TRMT11: variants seen among roughly 807,000 people sequenced by gnomAD.
The protein encoded by TRMT11 is tRNA (guanine(10)-N(2))-methyltransferase TRMT11.
A neutral mutation model predicts 62.8 loss-of-function variants in TRMT11; 53 were observed. That is an observed-to-expected ratio of 0.84 (90% CI 0.68 to 1.06). The LOEUF is 1.06. TRMT11 is among the 50% of genes least tolerant of loss of function. TRMT11 has a pLI of 0.00. For synonymous variants in TRMT11, 188 were observed against 190.3 expected, an observed-to-expected ratio of 0.99 and a Z score of 0.10; for missense variants, 556 against 553.4, an observed-to-expected ratio of 1.00 and a Z score of -0.05.
chr6:126,146,916 T>C lies in TRMT11; in HGVS notation c.*1824-27909T>C, dbSNP rs953301632. On this transcript the variant is annotated intron_variant and NMD_transcript_variant, in intron 21 of 22. Coordinates refer to the TRMT11 transcript ENST00000648977. ...TTCTACTAAAAGTGATTATTAGACATAATGTCAAGATGCTCATATTCTGCT... is the reference window on the plus strand; with the variant it reads ...TTCTACTAAAAGTGATTATTAGACACAATGTCAAGATGCTCATATTCTGCT... Among the ~76,000 whole-genome samples, 47 of 38,992 alleles carry C rather than the reference T, an allele frequency of 1.2e-3. 16 individuals carry two copies. Among genetic ancestry groups the C allele is most frequent in the African/African-American group, 5.5e-3 (45 of 8,250 alleles). The allele number at this position is 38,992 out of a possible 152,430, so 25.6% of individuals were successfully genotyped here. A position where few individuals can be genotyped will look rare whatever the true frequency, so the allele number is the denominator to read the frequency against.
intron 17 of TRMT11, among the ~76,000 whole-genome samples, chr6:126,112,746 C>A (rs1472782019): frequency 1.3e-5 from 2 of 152,188 alleles, no homozygotes; most frequent in South Asian, 4.1e-4. Context: ...ACCACAAATC[C>A]CCTACAGATC....
chr6:126,247,294 G>C, the TRMT11 span, among the ~76,000 whole-genome samples: 3 of 151,770 alleles, frequency 2.0e-5, no homozygotes, highest in African/African-American at 7.3e-5. Flanking sequence ...CTTTAAATTG[G>C]CAAATATCAT....
intron 21 of TRMT11, among the ~76,000 whole-genome samples, chr6:126,120,464 A>G (rs1317814499): frequency 6.6e-6 from 1 of 152,106 alleles, no homozygotes; most frequent in Non-Finnish European, 1.5e-5. Flanking sequence ...AATTCATCCA[A>G]AAGCAAATGT....
intron 21 of TRMT11, among the ~76,000 whole-genome samples, chr6:126,135,943 AT>A (rs1482851703): frequency 6.6e-6 from 1 of 151,900 alleles, no homozygotes; most frequent in African/African-American, 2.4e-5. Flanking sequence ...ACATCCCTTT[AT>A]GATAAAAACC....
At chr6:126,176,936 G>T (rs938295541), upstream of TRMT11, among the ~76,000 whole-genome samples, 4 of 151,676 alleles carry the variant, frequency 2.6e-5, no homozygotes, top group African/African-American at 9.7e-5. Context: ...CACTCATCCA[G>T]GTTAAATGCA....
intron 1 of TRMT11, among the ~76,000 whole-genome samples, chr6:126,184,491 A>G (rs1478172416): frequency 6.6e-6 from 1 of 152,144 alleles, no homozygotes. Context: ...AATTATTGTT[A>G]TTATTTATTT....
chr6:126,118,603 T>G (rs1201270538), intron 21 of TRMT11, among the ~76,000 whole-genome samples: 2 of 152,134 alleles, frequency 1.3e-5, no homozygotes, highest in East Asian at 3.9e-4. Flanking sequence ...TTACTTTTTT[T>G]CTTCCTATTT....
chr6:126,107,091 G>A (rs889542598), intron 17 of TRMT11, among the ~76,000 whole-genome samples: 3 of 152,098 alleles, frequency 2.0e-5, no homozygotes, highest in Non-Finnish European at 4.4e-5. Context: ...ATTATTAACA[G>A]AACCTCACCA....
At chr6:126,021,759 C>G (rs1023036912) in intron 12 of TRMT11, among the ~76,000 whole-genome samples, 1 of 152,200 alleles carries the variant, frequency 6.6e-6, no homozygotes, top group Non-Finnish European at 1.5e-5. Context: ...AAAATTCTTA[C>G]TCTCTTACAT....
chr6:126,234,399 A>C, the TRMT11 span, among the ~76,000 whole-genome samples: 3 of 152,134 alleles, frequency 2.0e-5, no homozygotes, highest in Non-Finnish European at 2.9e-5. Context: ...GTTTAAAATA[A>C]ATAAATTTTA....
chr6:126,262,104 G>C, the TRMT11 span, among the ~76,000 whole-genome samples: 1 of 152,232 alleles, frequency 6.6e-6, no homozygotes, highest in Non-Finnish European at 1.5e-5. Flanking sequence ...AGTGGAACCT[G>C]AAGTTTTGCA....
chr6:126,244,598 C>T, the TRMT11 span, among the ~76,000 whole-genome samples: 72 of 152,286 alleles, frequency 4.7e-4, no homozygotes, highest in African/African-American at 1.7e-3. Flanking sequence ...CAGAGATACA[C>T]GTATCCACTT....
At chr6:126,065,441 G>T (rs1776661177) in intron 17 of TRMT11, among the ~76,000 whole-genome samples, 1 of 151,958 alleles carries the variant, frequency 6.6e-6, no homozygotes, top group Non-Finnish European at 1.5e-5. Flanking sequence ...CCTGCTTTTG[G>T]TACATCTGGA....
intron 7 of TRMT11, 69 bp downstream of exon 7, chr6:125,999,682 T>C: frequency 1.4e-6 from 2 of 1,394,528 alleles, no homozygotes; most frequent in Non-Finnish European, 2.0e-6. Context: ...GTCATGGTAA[T>C]ATTTTTGCTA....
chr6:126,105,073 A>T (rs73773361), intron 17 of TRMT11, among the ~76,000 whole-genome samples: 6,306 of 152,300 alleles, frequency 0.041, 419 homozygotes, highest in African/African-American at 0.14. Flanking sequence ...AATTTATTTT[A>T]AAAAAGATAT....
At chr6:126,174,532 G>A (rs114897174), upstream of TRMT11, among the ~76,000 whole-genome samples, 3,562 of 152,254 alleles carry the variant, frequency 0.023, 132 homozygotes, top group African/African-American at 0.081. Flanking sequence ...TCCTAACCAC[G>A]CTTGCCTATA....
chr6:126,054,173 A>T (rs747509795), intron 17 of TRMT11, among the ~76,000 whole-genome samples: 6 of 152,164 alleles, frequency 3.9e-5, no homozygotes, highest in Non-Finnish European at 7.3e-5. Flanking sequence ...TTCTTTCAAA[A>T]TGGTGTCCTT....
In TRMT11 at chr6:126,076,879, GA is replaced by G. The variant is rs201389939; in HGVS notation, c.*1437+23696del. 4.0e-3 allele frequency among the ~76,000 whole-genome samples: 612 copies of G among 152,132 alleles called. 4 individuals are homozygous for G. The highest frequency in any genetic ancestry group is 0.013 in the African/African-American group (526 of 41,526). On this transcript the variant is annotated intron_variant and NMD_transcript_variant, in intron 17 of 22. Transcript: ENST00000648977. ...ATTTCCACCTGTGAGGAATCAAATA[GA>G]AAAAAAGCTTGTAGAATATTAAGGG...
the TRMT11 span, among the ~76,000 whole-genome samples, chr6:126,222,257 T>G: frequency 6.6e-6 from 1 of 152,204 alleles, no homozygotes; most frequent in Admixed American, 6.5e-5. Context: ...GCCTCCTGCT[T>G]TGTTCTTTTT....
Sources: gnomAD v4.1 joint callset for allele counts (sites outside exome capture counted in the v4.1 genomes callset) on GRCh38, gnomAD v4.1.1 for gene constraint, MANE v1.5 for transcripts, NCBI Gene and HGNC (gene_info 2026-07-23, HGNC 2026-07-21) for gene names.